Variants in LPCAT1 observed in about 807,000 individuals in gnomAD.
The protein encoded by LPCAT1 is 1-acylglycerol-3-phosphate O-acyltransferase.
A neutral mutation model predicts 60.9 loss-of-function variants in LPCAT1; 23 were observed. The observed-to-expected ratio is 0.38, with a 90% CI of 0.27 to 0.53. LPCAT1 has a LOEUF of 0.53. LPCAT1 is among the 20% of genes least tolerant of loss of function. The probability of loss-of-function intolerance (pLI) is 0.82; values close to 1 mark genes in which losing one functional copy is unlikely to be tolerated. For synonymous variants in LPCAT1, 340 were observed against 301.1 expected (o/e 1.13, Z -1.34); for missense variants, 622 against 723.6 (o/e 0.86, Z 1.61).
chr5:1,500,240 G>A (rs187529002), intron 2 of LPCAT1, among the ~76,000 whole-genome samples: 225 of 152,354 alleles, frequency 1.5e-3, no homozygotes, highest in African/African-American at 5.0e-3. Context: ...CAGAGCTGTG[G>A]TTATAGGACA....
chr5:1,464,817 G>A (rs376728672), intron 13 of LPCAT1, among the ~76,000 whole-genome samples: 32 of 141,010 alleles, frequency 2.3e-4, no homozygotes, highest in African/African-American at 7.8e-4. Flanking sequence ...GCACACACAC[G>A]GTAATCACAC....
chr5:1,486,215 C>A (rs1326630032), intron 5 of LPCAT1, among the ~76,000 whole-genome samples: 1 of 152,210 alleles, frequency 6.6e-6, no homozygotes, highest in Admixed American at 6.5e-5. Flanking sequence ...CCCAGCCCTG[C>A]TGGAACCCAC....
chr5:1,471,381 G>A (rs1463601838), intron 11 of LPCAT1, among the ~76,000 whole-genome samples: 1 of 152,210 alleles, frequency 6.6e-6, no homozygotes, highest in East Asian at 1.9e-4. Context: ...TCAGCCCCGC[G>A]CTGACCATTC....
At chr5:1,509,231 C>A (rs1173849620) in intron 1 of LPCAT1, among the ~76,000 whole-genome samples, 1 of 152,272 alleles carries the variant, frequency 6.6e-6, no homozygotes, top group African/African-American at 2.4e-5. Context: ...GTGCCAGCCA[C>A]CCCAAGCTCT....
rs1484673036 is a variant in LPCAT1, at chr5:1,488,555, T to C, written c.607-104A>G. ...CAATATATTTTCTTTTCTGCTGACA[T>C]AATTTGGACACTGGGATCATATTCA... On this transcript the variant is annotated intron_variant, in intron 4 of 13. Transcript: ENST00000283415. 28 of 760,288 alleles carry C rather than the reference T, an allele frequency of 3.7e-5. No individual in the cohort carries two copies. The East Asian group carries it at 6.1e-4, about 17-fold the overall frequency. 47.1% of individuals were successfully genotyped at this position (760,288 alleles called of 1,614,324 possible). A position where few individuals can be genotyped will look rare whatever the true frequency, so the allele number is the denominator to read the frequency against.
intron 12 of LPCAT1, among the ~76,000 whole-genome samples, chr5:1,469,211 A>T (rs959900751): frequency 2.0e-5 from 3 of 152,114 alleles, no homozygotes; most frequent in Non-Finnish European, 2.9e-5. Context: ...AGGGCAGCCT[A>T]GGCCTCACCC....
In LPCAT1 at chr5:1,466,869, C is replaced by T. The variant is rs535425512; in HGVS notation, c.1300G>A (p.Gly434Ser). Reference protein sequence around the residue: ...AFKMYGAQEDGSVGEGDLSCI... With the variant: ...AFKMYGAQEDSSVGEGDLSCI... Reference sequence around the variant, plus strand: ...GACAGGTCACCTTCGCCGACGCTGCCGTCCTCTTGCGCTCCGTACATCTGC... The same window carrying T: ...GACAGGTCACCTTCGCCGACGCTGCTGTCCTCTTGCGCTCCGTACATCTGC... Residue 434 changes from glycine to serine, a missense_variant, in exon 13 of 14, where the codon GGC becomes AGC. By Grantham distance (56) the Gly-to-Ser change is moderately conservative. Around this residue, in one of 3 missense-constraint regions of LPCAT1, gnomAD observed 288 missense variants for 283.6 expected, o/e 1.02. Transcript: ENST00000283415. 1.4e-5 allele frequency: 23 copies of T among 1,607,230 alleles called. 1 individual carries two copies. The South Asian group carries it at 2.2e-4, about 15-fold the overall frequency.
At chr5:1,504,814 A>T (rs1423328660) in intron 1 of LPCAT1, among the ~76,000 whole-genome samples, 1 of 152,170 alleles carries the variant, frequency 6.6e-6, no homozygotes, top group East Asian at 1.9e-4. Flanking sequence ...AGACGCCATG[A>T]AGTGTGATAA....
Position 1,477,298 on chromosome 5 carries a change from G to C in LPCAT1, c.899+106C>G. 1 of 924,374 alleles carries C rather than the reference G, an allele frequency of 1.1e-6. No individual in the cohort carries two copies. The highest frequency in any genetic ancestry group is 2.0e-5 in the Admixed American group (1 of 49,050). 57.3% of individuals were successfully genotyped at this position (924,374 alleles called of 1,614,324 possible). A position where few individuals can be genotyped will look rare whatever the true frequency, so the allele number is the denominator to read the frequency against. ...GCATGAAGCTGGTTCCCGCACTTCT[G>C]CAAGAATGCCTTTTCCTAACGCTGT... On this transcript the variant is annotated intron_variant, in intron 9 of 13. Coordinates refer to ENST00000283415, the MANE Select transcript of LPCAT1 (RefSeq NM_024830.5). The surrounding 1 kb of genome is among the most constrained non-coding windows in gnomAD (Gnocchi z 6.0).
chr5:1,523,767 G>A lies in LPCAT1; in HGVS notation c.78C>T (p.Pro26=), dbSNP rs111483527. ...AGASDARLLA[P]PGRNPFVHEL... is the part of the protein sequence containing the mutation. The stretch of plus-strand genomic sequence containing the variant: ...CGTGCACGAAGGGGTTCCGCCCCGG[G>A]GGCGCCAGCAGCCGAGCGTCGCTGG... The change falls in exon 1 of 14, where the codon CCC becomes CCT. Residue 26 remains proline (P), a synonymous_variant. Transcript: ENST00000283415. The surrounding 1 kb of genome is among the most constrained non-coding windows in gnomAD (Gnocchi z 7.1). 1 of 1,157,242 alleles carries A rather than the reference G, an allele frequency of 8.6e-7. No homozygotes were observed. The highest frequency in any genetic ancestry group is 1.1e-6 in the Non-Finnish European group (1 of 935,640). The allele number at this position is 1,157,242 out of a possible 1,614,324, so 71.7% of individuals were successfully genotyped here.
intron 3 of LPCAT1, among the ~76,000 whole-genome samples, chr5:1,493,319 C>T (rs143254082): frequency 6.6e-6 from 1 of 152,378 alleles, no homozygotes; most frequent in Non-Finnish European, 1.5e-5. Flanking sequence ...ATGGGCCATG[C>T]CAGGGTTCCT....
intron 12 of LPCAT1, among the ~76,000 whole-genome samples, chr5:1,468,992 G>T (rs1337026746): frequency 6.6e-6 from 1 of 152,250 alleles, no homozygotes. Flanking sequence ...AGGAAATGAT[G>T]ACACCATGAA....
At chr5:1,489,177 G>A (rs1735478054) in intron 4 of LPCAT1, among the ~76,000 whole-genome samples, 1 of 152,252 alleles carries the variant, frequency 6.6e-6, no homozygotes, top group Non-Finnish European at 1.5e-5. Flanking sequence ...CACCCTGGAA[G>A]TCACAGCCCT....
At position 1,477,921 on chromosome 5, in the gene LPCAT1, G is replaced by T. The variant is rs1394643493; in HGVS notation, c.817-435C>A. Among the ~76,000 whole-genome samples, 1 of 133,166 alleles carries T rather than the reference G, an allele frequency of 7.5e-6. No individual in the cohort carries two copies. Among genetic ancestry groups the T allele is most frequent in the Non-Finnish European group, 1.6e-5 (1 of 61,482 alleles). 87.4% of individuals were successfully genotyped at this position (133,166 alleles called of 152,430 possible). A position where few individuals can be genotyped will look rare whatever the true frequency, so the allele number is the denominator to read the frequency against. ...CACCCCCGTCAGTGCTCCTGGGAGC[G>T]CCTGCTGCCTACATCAGAACATCTG... On this transcript the variant is annotated intron_variant, in intron 8 of 13. Transcript: ENST00000283415. This position sits in a 1 kb window ranked among gnomAD's most constrained non-coding sequence, Gnocchi z 6.0.
intron 1 of LPCAT1, among the ~76,000 whole-genome samples, chr5:1,504,231 A>G (rs1302299734): frequency 6.6e-6 from 1 of 152,230 alleles, no homozygotes; most frequent in African/African-American, 2.4e-5. Context: ...CTTTTCCTTT[A>G]TTTGTAAAAT....
At chr5:1,519,818 T>C (rs1051634010) in intron 1 of LPCAT1, among the ~76,000 whole-genome samples, 6 of 152,216 alleles carry the variant, frequency 3.9e-5, no homozygotes, top group African/African-American at 1.4e-4. Context: ...CTCCAAGGCC[T>C]CTGAGGCATC....
At position 1,496,487 on chromosome 5, in the gene LPCAT1, G is replaced by C. The variant is rs1473242205; in HGVS notation, c.279-1573C>G. Among the ~76,000 whole-genome samples the C allele has an allele frequency of 6.6e-6, 1 of 151,812 alleles. No individual in the cohort carries two copies. Among genetic ancestry groups the C allele is most frequent in the African/African-American group, 2.4e-5 (1 of 41,298 alleles). On this transcript the variant is annotated intron_variant, in intron 2 of 13. Coordinates refer to ENST00000283415, the MANE Select transcript of LPCAT1 (RefSeq NM_024830.5). The surrounding 1 kb of genome is among the most constrained non-coding windows in gnomAD (Gnocchi z 4.7). ...TTGATGCCTAAGATGGAAGAAACAA[G>C]GCAGCGGCGGAGGGAGAAGCGAGGC...
chr5:1,520,804 A>C (rs1367253975), intron 1 of LPCAT1, among the ~76,000 whole-genome samples: 1 of 141,478 alleles, frequency 7.1e-6, no homozygotes, highest in African/African-American at 2.6e-5. Context: ...CAGAGCTTGT[A>C]GTGAGCCGAT....
chr5:1,468,543 C>T (rs1310069349), intron 12 of LPCAT1, among the ~76,000 whole-genome samples: 1 of 152,184 alleles, frequency 6.6e-6, no homozygotes, highest in East Asian at 1.9e-4. Flanking sequence ...ATCCTCGGAG[C>T]CTCGTGTAGA....
Sources: gnomAD v4.1 joint callset for allele counts (sites outside exome capture counted in the v4.1 genomes callset) on GRCh38, gnomAD v4.1.1 for gene constraint, gnomAD v4.1.1 regional missense constraint, Gnocchi (gnomAD v3.1) non-coding constraint, MANE v1.5 for transcripts, NCBI Gene and HGNC (gene_info 2026-07-23, HGNC 2026-07-21) for gene names.